B4GALNT2: variants seen among roughly 807,000 people sequenced by gnomAD.
B4GALNT2 encodes N-acetylneuraminylgalactosylglucosyl-glucoside beta-1,4-N- acetylgalactosaminyltransferase 2.
In B4GALNT2, 42 loss-of-function variants were observed where a neutral mutation model predicts 51.1. That is an observed-to-expected ratio of 0.82 (90% CI 0.64 to 1.06). The LOEUF is 1.06. Among genes scored for constraint, B4GALNT2 ranks in the 50% least tolerant of loss-of-function variants. The pLI is 0.00. For missense variants in B4GALNT2, 602 were observed against 633.6 expected (o/e 0.95, Z 0.54); for synonymous variants, 253 against 251.7 (o/e 1.01, Z -0.05).
intron 8 of B4GALNT2, 92 bp downstream of exon 8, chr17:49,164,367 G>A (rs992328976): frequency 8.3e-7 from 1 of 1,209,062 alleles, no homozygotes; most frequent in Non-Finnish European, 1.2e-6. Context: ...CTTCCTCAAG[G>A]GTCTTCCCAA....
Position 49,159,072 on chromosome 17 carries a change from C to G in B4GALNT2, c.534C>G (p.Thr178=), listed in dbSNP as rs774799306. 10 of 1,614,104 alleles carry G rather than the reference C, an allele frequency of 6.2e-6. No homozygotes were observed. The highest frequency in any genetic ancestry group is 1.3e-5 in the African/African-American group (1 of 74,932). The part of the protein sequence containing the change: ...TLTASLGTLN[T]LADVPDSVVQ... Reference sequence around the variant, plus strand: ...CAGCTTCTCTGGGGACACTGAACACCCTTGCTGATGTCCCAGACAGTGTGG... The same window carrying G: ...CAGCTTCTCTGGGGACACTGAACACGCTTGCTGATGTCCCAGACAGTGTGG... The change falls in exon 6 of 11, where the codon ACC becomes ACG. Residue 178 remains threonine (T), a synonymous_variant. Transcript: ENST00000393354.
chr17:49,126,261 C>T, the B4GALNT2 span, among the ~76,000 whole-genome samples: 5 of 152,146 alleles, frequency 3.3e-5, no homozygotes, highest in Non-Finnish European at 5.9e-5. Context: ...GGATTAAGGG[C>T]GGTGCAAGAT....
intron 8 of B4GALNT2, among the ~76,000 whole-genome samples, 178 bp downstream of exon 8, chr17:49,164,453 C>A (rs1295722405): frequency 6.6e-6 from 1 of 151,686 alleles, no homozygotes. Context: ...AGAAATTGGT[C>A]ACCCTCACTT....
Position 49,169,692 on chromosome 17 carries a change from C to T in B4GALNT2, c.1485C>T (p.Leu495=). 6.3e-7 allele frequency: 1 copy of T among 1,599,926 alleles called. No homozygotes were observed. The highest frequency in any genetic ancestry group is 8.5e-7 in the Non-Finnish European group (1 of 1,171,256). Reference sequence around the variant, plus strand: ...CCCGGGTCCAGTTCAAGCTGGCCCTCCACTACTTCAAGAACCATCTCCAAT... The same window carrying T: ...CCCGGGTCCAGTTCAAGCTGGCCCTTCACTACTTCAAGAACCATCTCCAAT... ...TLTRVQFKLA[L]HYFKNHLQCA... The change falls in exon 11 of 11, where the codon CTC becomes CTT. Residue 495 remains leucine (L), a synonymous_variant. Transcript: ENST00000393354.
Position 49,136,082 on chromosome 17 carries a change from C to A in B4GALNT2, c.14+3276C>A, listed in dbSNP as rs796796981. ...TGGGCAACAGAGCGAGACTCTGGAT[C>A]AAAAAAAAAAAAAAAGAAAATCCTG... On this transcript the variant is annotated intron_variant, in intron 1 of 10. Coordinates refer to ENST00000393354, the MANE Select transcript of B4GALNT2 (RefSeq NM_001159387.2). Among the ~76,000 whole-genome samples, 604 of 119,180 alleles carry A rather than the reference C, an allele frequency of 5.1e-3. 2 individuals carry two copies. The highest frequency in any genetic ancestry group is 9.9e-3 in the African/African-American group (322 of 32,586). The allele number at this position is 119,180 out of a possible 152,430, so 78.2% of individuals were successfully genotyped here.
rs778499009 is a variant in B4GALNT2, at chr17:49,169,775, C to G, written c.*47C>G. 6.8e-7 allele frequency: 1 copy of G among 1,475,088 alleles called. No individual in the cohort carries two copies. Among genetic ancestry groups the G allele is most frequent in the Admixed American group, 2.4e-5 (1 of 42,232 alleles). 91.4% of individuals were successfully genotyped at this position (1,475,088 alleles called of 1,614,324 possible). On this transcript the variant is annotated 3_prime_UTR_variant, in exon 11 of 11. Transcript: ENST00000393354. ...ACACTAGGCTGGCTGGTTATGGTAT[C>G]TATAGCAGGCCACCAAAAACTGGAC... is the stretch of plus-strand genomic sequence containing the variant.
At chr17:49,129,120 C>T (rs1258318857), upstream of B4GALNT2, among the ~76,000 whole-genome samples, 1 of 151,956 alleles carries the variant, frequency 6.6e-6, no homozygotes, top group East Asian at 1.9e-4. Context: ...GATGTTCCAG[C>T]TGGAATTGGC....
intron 1 of B4GALNT2, among the ~76,000 whole-genome samples, chr17:49,135,483 C>G (rs2042581175): frequency 6.6e-6 from 1 of 151,920 alleles, no homozygotes; most frequent in Admixed American, 6.6e-5. Context: ...TGGTCTTGAT[C>G]TCCTGATCTC....
At chr17:49,136,866 G>C (rs1031544931) in intron 1 of B4GALNT2, among the ~76,000 whole-genome samples, 2 of 152,116 alleles carry the variant, frequency 1.3e-5, no homozygotes, top group Admixed American at 6.6e-5. Context: ...AGTTTTACAA[G>C]CTGGTGAACA....
rs757345539 is a variant in B4GALNT2 at position 49,160,538 on chromosome 17, C to T, written c.680-17C>T. 6.2e-7 allele frequency: 1 copy of T among 1,609,872 alleles called. No homozygotes were observed. Among genetic ancestry groups the T allele is most frequent in the African/African-American group, 1.3e-5 (1 of 74,806 alleles). On this transcript the variant is annotated splice_polypyrimidine_tract_variant and intron_variant, in intron 6 of 10. Coordinates refer to ENST00000393354, the MANE Select transcript of B4GALNT2 (RefSeq NM_001159387.2). ...GACATGATACTCCCTGTGCCATTAT[C>T]TTATTTCTCCCTCCAGTGAGTCTGG...
the B4GALNT2 span, among the ~76,000 whole-genome samples, chr17:49,125,678 T>C: frequency 0.99 from 138,020 of 139,638 alleles, 68,202 homozygotes; most frequent in Middle Eastern, 1. Context: ...CTCCGCCCTG[T>C]GGCCGCCCCG....
intron 7 of B4GALNT2, among the ~76,000 whole-genome samples, chr17:49,163,756 CAAAAAAAAAAAAA>C (rs10589274): frequency 2.2e-5 from 2 of 91,162 alleles, no homozygotes; most frequent in Non-Finnish European, 4.2e-5. Context: ...AACTCCGTAT[CAAAAAAAAAAAAA>C]AAAAAAAAAG....
At chr17:49,127,851 A>G (rs2042518588), upstream of B4GALNT2, among the ~76,000 whole-genome samples, 1 of 152,222 alleles carries the variant, frequency 6.6e-6, no homozygotes, top group African/African-American at 2.4e-5. Context: ...TGTTTTCCCA[A>G]GGAGTCCCAG....
intron 6 of B4GALNT2, among the ~76,000 whole-genome samples, chr17:49,159,918 C>T (rs2042847140): frequency 6.6e-6 from 1 of 152,146 alleles, no homozygotes; most frequent in Non-Finnish European, 1.5e-5. Context: ...TAGGAAAGAA[C>T]TGGGAGAACT....
rs765166492 is a variant in B4GALNT2 at position 49,164,161 on chromosome 17, C to A, written c.840C>A (p.Leu280=). The part of the protein sequence containing the change: ...FLRPHKLMIM[L]RSIREYYPDL... ...GCCCCCACAAGCTCATGATCATGCT[C>A]CGGAGTATTCGAGAGTATTACCCAG... The change falls in exon 8 of 11, where the codon CTC becomes CTA. Residue 280 remains leucine (L), a synonymous_variant. Transcript: ENST00000393354. The A allele has an allele frequency of 6.2e-7, 1 of 1,614,064 alleles. No individual in the cohort carries two copies. Among genetic ancestry groups the A allele is most frequent in the Admixed American group, 1.7e-5 (1 of 60,018 alleles).
intron 5 of B4GALNT2, among the ~76,000 whole-genome samples, chr17:49,157,098 G>A (rs982638072): frequency 1.3e-5 from 2 of 152,214 alleles, no homozygotes; most frequent in African/African-American, 4.8e-5. Context: ...GGTTGGAATG[G>A]GTGATGAGTG....
rs1001998701 is a variant in B4GALNT2 at position 49,165,660 on chromosome 17, C to T, written c.955-454C>T. On this transcript the variant is annotated intron_variant, in intron 8 of 10. Coordinates refer to ENST00000393354, the MANE Select transcript of B4GALNT2 (RefSeq NM_001159387.2). ...TCTCTTTCCCCCCACCTCTCTCTCT[C>T]CTTGCTACTCTTTCCCTCTCTCATT... 2.5e-4 allele frequency among the ~76,000 whole-genome samples: 36 copies of T among 146,772 alleles called. 1 individual carries two copies. Among genetic ancestry groups the T allele is most frequent in the African/African-American group, 9.1e-4 (36 of 39,526 alleles).
At chr17:49,141,885 G>T in intron 2 of B4GALNT2, 150 bp from the exon 3 acceptor site, 1 of 965,126 alleles carries the variant, frequency 1.0e-6, no homozygotes, top group Non-Finnish European at 1.6e-6. Context: ...GGCCAGTGCA[G>T]GGGACTCCAG....
rs899784187 is a variant in B4GALNT2 at position 49,171,666 on chromosome 17, C to G, written c.*1938C>G. On this transcript the variant is annotated 3_prime_UTR_variant, in exon 11 of 11. Transcript: ENST00000393354. ...TACCATCTGACTGTTTTGTTTAGAC[C>G]AGCTGAACATAGTGTGGCTGTGGCA... 1 of 388,290 alleles carries G rather than the reference C, an allele frequency of 2.6e-6. No individual in the cohort carries two copies. The highest frequency in any genetic ancestry group is 2.1e-5 in the African/African-American group (1 of 46,658). The allele number at this position is 388,290 out of a possible 1,614,324, so 24.1% of individuals were successfully genotyped here. A position where few individuals can be genotyped will look rare whatever the true frequency, so the allele number is the denominator to read the frequency against.
Sources: allele counts gnomAD v4.1 joint callset (sites outside exome capture counted in the v4.1 genomes callset), GRCh38; gene constraint gnomAD v4.1.1; transcripts MANE v1.5; gene names NCBI Gene and HGNC (gene_info 2026-07-23, HGNC 2026-07-21).